Variants in UBE2R2 observed in about 807,000 individuals in gnomAD.
The protein encoded by UBE2R2 is ubiquitin conjugating enzyme E2 R2.
UBE2R2 carries 1 observed loss-of-function variant against 27.8 expected under a neutral mutation model. That is an observed-to-expected ratio of 0.04 (90% CI 0.01 to 0.17). UBE2R2 has a LOEUF of 0.17. Ranked by LOEUF, UBE2R2 falls within the 10% of genes least tolerant of loss-of-function variation. UBE2R2 has a pLI of 1.00. For missense variants in UBE2R2, 100 were observed against 291.0 expected (o/e 0.34, Z 4.78); for synonymous variants, 106 against 113.3 (o/e 0.94, Z 0.41).
rs35277355 is a variant in UBE2R2 at position 33,897,775 on chromosome 9, C to CTTT, written c.265-2384_265-2382dup. ...ATACCAAGTTTCTCTTTTCTTTTTTCTTTTTTTTTTTTTTTTTGAGATGGA... is the reference window on the plus strand; with the variant it reads ...ATACCAAGTTTCTCTTTTCTTTTTTCTTTTTTTTTTTTTTTTTTTTGAGATGGA... On this transcript the variant is annotated intron_variant, in intron 2 of 4. Coordinates refer to ENST00000263228, the MANE Select transcript of UBE2R2 (RefSeq NM_017811.4). Among the ~76,000 whole-genome samples the CTTT allele has an allele frequency of 2.6e-4, 33 of 127,962 alleles. 1 individual carries two copies. The highest frequency in any genetic ancestry group is 7.8e-4 in the African/African-American group (26 of 33,256). 83.9% of individuals were successfully genotyped at this position (127,962 alleles called of 152,430 possible).
chr9:33,840,752 G>C lies in UBE2R2; in HGVS notation c.177+22818G>C, dbSNP rs564063869. 2.0e-5 allele frequency among the ~76,000 whole-genome samples: 3 copies of C among 152,016 alleles called. No individual in the cohort carries two copies. In the East Asian group the frequency reaches 5.8e-4, roughly 29 times the overall value. On this transcript the variant is annotated intron_variant, in intron 1 of 4. Coordinates refer to ENST00000263228, the MANE Select transcript of UBE2R2 (RefSeq NM_017811.4). ...TGGGTTTTTTTAAAATTTTTTGTTG[G>C]AATACTTTTATTAAGAGATGCTTCT... is the stretch of plus-strand genomic sequence containing the variant.
rs1361174239 is a variant in UBE2R2, at chr9:33,920,134, T to A, written c.*2897T>A. Reference sequence around the variant, plus strand: ...CCACTGGAAAGGAACTCTCCACCCCTCCCATCCTGATAAAACAAACAAGGT... The same window carrying A: ...CCACTGGAAAGGAACTCTCCACCCCACCCATCCTGATAAAACAAACAAGGT... On this transcript the variant is annotated 3_prime_UTR_variant, in exon 5 of 5. Transcript: ENST00000263228. The A allele has an allele frequency of 6.6e-6, 1 of 152,528 alleles. No individual in the cohort carries two copies. Among genetic ancestry groups the A allele is most frequent in the East Asian group, 1.9e-4 (1 of 5,192 alleles). The allele number at this position is 152,528 out of a possible 1,614,324, so 9.4% of individuals were successfully genotyped here.
At chr9:33,863,756 C>T (rs1381461101) in intron 1 of UBE2R2, among the ~76,000 whole-genome samples, 1 of 151,988 alleles carries the variant, frequency 6.6e-6, no homozygotes, top group East Asian at 1.9e-4. Context: ...GGCATGATCT[C>T]GGTTCACTGC....
chr9:33,841,991 T>A (rs1449623717), intron 1 of UBE2R2, among the ~76,000 whole-genome samples: 1 of 152,224 alleles, frequency 6.6e-6, no homozygotes, highest in African/African-American at 2.4e-5. Flanking sequence ...TCTTTCAACC[T>A]TAATTTGTTT....
chr9:33,846,232 G>T (rs1261919010), intron 1 of UBE2R2, among the ~76,000 whole-genome samples: 2 of 152,222 alleles, frequency 1.3e-5, no homozygotes, highest in East Asian at 3.9e-4. Context: ...GGAAGCAGAG[G>T]TTGCTCTGAG....
intron 3 of UBE2R2, among the ~76,000 whole-genome samples, chr9:33,911,099 G>A (rs1374471795): frequency 2.7e-5 from 4 of 150,016 alleles, no homozygotes; most frequent in Non-Finnish European, 5.9e-5. Flanking sequence ...GCAAGACCCT[G>A]TCAAAAAACA....
At chr9:33,900,771 G>A (rs1231028291) in intron 3 of UBE2R2, among the ~76,000 whole-genome samples, 1 of 152,032 alleles carries the variant, frequency 6.6e-6, no homozygotes, top group Admixed American at 6.6e-5. Flanking sequence ...GTCTCACTAA[G>A]TTGCCCAGCT....
intron 1 of UBE2R2, among the ~76,000 whole-genome samples, chr9:33,853,959 G>C (rs953146332): frequency 6.6e-6 from 1 of 152,002 alleles, no homozygotes; most frequent in African/African-American, 2.4e-5. Context: ...GCCTCCCAAA[G>C]TGCTGGGATT....
At chr9:33,872,652 G>A (rs980438028) in intron 1 of UBE2R2, among the ~76,000 whole-genome samples, 6 of 152,004 alleles carry the variant, frequency 3.9e-5, no homozygotes, top group Non-Finnish European at 8.8e-5. Flanking sequence ...AGGGCATGGT[G>A]GCACATGCCT....
intron 2 of UBE2R2, among the ~76,000 whole-genome samples, chr9:33,894,609 T>TG (rs909445467): frequency 3.1e-4 from 47 of 151,470 alleles, no homozygotes; most frequent in East Asian, 1.2e-3. Flanking sequence ...AGTAAAATTT[T>TG]GGGGGGGGCC....
chr9:33,873,820 G>C (rs1252236159), intron 1 of UBE2R2, among the ~76,000 whole-genome samples: 1 of 152,038 alleles, frequency 6.6e-6, no homozygotes, highest in African/African-American at 2.4e-5. Flanking sequence ...AAATTACGGT[G>C]TGTGTGGAGA....
chr9:33,889,078 T>C (rs1005442008), intron 2 of UBE2R2, among the ~76,000 whole-genome samples: 1 of 152,256 alleles, frequency 6.6e-6, no homozygotes, highest in African/African-American at 2.4e-5. Flanking sequence ...TACACTGTTC[T>C]GTGTAACAAC....
intron 1 of UBE2R2, among the ~76,000 whole-genome samples, chr9:33,842,449 T>C (rs1163565157): frequency 6.6e-6 from 1 of 152,086 alleles, no homozygotes; most frequent in East Asian, 1.9e-4. Flanking sequence ...TAAAAATAAT[T>C]GAAATTTTTT....
At chr9:33,862,635 A>G (rs905735469) in intron 1 of UBE2R2, among the ~76,000 whole-genome samples, 2 of 152,202 alleles carry the variant, frequency 1.3e-5, no homozygotes, top group African/African-American at 2.4e-5. Flanking sequence ...AGAATCCTCA[A>G]AAAATCTATG....
chr9:33,827,412 G>A (rs1478712876), intron 1 of UBE2R2, among the ~76,000 whole-genome samples: 11 of 152,260 alleles, frequency 7.2e-5, no homozygotes, highest in Admixed American at 3.9e-4. Context: ...ATGCCAAAGC[G>A]GGCGAATCAC....
intron 1 of UBE2R2, among the ~76,000 whole-genome samples, chr9:33,848,020 G>A (rs939722159): frequency 2.0e-5 from 3 of 152,046 alleles, no homozygotes; most frequent in African/African-American, 7.2e-5. Context: ...CTCCCAAAGT[G>A]CTGGGATTAC....
chr9:33,818,351 G>C (rs1201812843), intron 1 of UBE2R2, among the ~76,000 whole-genome samples: 1 of 120,426 alleles, frequency 8.3e-6, no homozygotes, highest in Non-Finnish European at 1.6e-5. Flanking sequence ...CGACTGGATT[G>C]GACTTTTCTT....
chr9:33,880,625 A>G (rs924668658), intron 1 of UBE2R2, among the ~76,000 whole-genome samples: 14 of 152,160 alleles, frequency 9.2e-5, no homozygotes, highest in Non-Finnish European at 1.3e-4. Context: ...ATTGTCTTCT[A>G]TATCCTTACT....
At chr9:33,822,050 T>G (rs917467689) in intron 1 of UBE2R2, among the ~76,000 whole-genome samples, 1 of 151,930 alleles carries the variant, frequency 6.6e-6, no homozygotes, top group Non-Finnish European at 1.5e-5. Context: ...GTTTTCCTTA[T>G]TAGGAACATC....
Sources: gnomAD v4.1 joint callset for allele counts (sites outside exome capture counted in the v4.1 genomes callset) on GRCh38, gnomAD v4.1.1 for gene constraint, MANE v1.5 for transcripts, NCBI Gene and HGNC (gene_info 2026-07-23, HGNC 2026-07-21) for gene names.